The following POLR3B variants were observed in gnomAD, a reference collection of about 807,000 sequenced individuals.
POLR3B encodes the protein DNA-directed RNA polymerase III subunit RPC2.
POLR3B carries 96 observed loss-of-function variants against 147.4 expected under a neutral mutation model. The ratio of observed to expected loss-of-function variants is 0.65; its 90% CI spans 0.55 to 0.77. The LOEUF is 0.77. Ranked by LOEUF, POLR3B falls within the 30% of genes least tolerant of loss-of-function variation. The pLI, the probability that POLR3B is intolerant of heterozygous loss-of-function variation, is 0.00. For missense variants in POLR3B, 1,036 were observed against 1,413.5 expected (o/e 0.73, Z 4.28); for synonymous variants, 461 against 485.9 (o/e 0.95, Z 0.67).
chr12:106,421,932 T>A (rs1010671098), intron 12 of POLR3B, among the ~76,000 whole-genome samples: 1 of 152,128 alleles, frequency 6.6e-6, no homozygotes, highest in Non-Finnish European at 1.5e-5. Flanking sequence ...ACTCCTGACC[T>A]CAAGTGATCC....
chr12:106,492,978 A>G (rs1410946462), intron 23 of POLR3B, among the ~76,000 whole-genome samples: 1 of 152,152 alleles, frequency 6.6e-6, no homozygotes, highest in African/African-American at 2.4e-5. Context: ...GTTCCTGAGC[A>G]TGTTAAACTG....
At chr12:106,478,003 C>G (rs2038206294) in intron 23 of POLR3B, among the ~76,000 whole-genome samples, 1 of 140,126 alleles carries the variant, frequency 7.1e-6, no homozygotes, top group African/African-American at 2.6e-5. Context: ...CTCCCGGGTT[C>G]AAGCAATTCT....
intron 12 of POLR3B, among the ~76,000 whole-genome samples, chr12:106,417,884 G>A (rs1029250707): frequency 1.3e-5 from 2 of 152,186 alleles, no homozygotes; most frequent in African/African-American, 4.8e-5. Flanking sequence ...GAGGGGGAAA[G>A]GAGAGCTGAT....
At chr12:106,429,067 G>A (rs1186275264) in intron 13 of POLR3B, among the ~76,000 whole-genome samples, 2 of 152,162 alleles carry the variant, frequency 1.3e-5, no homozygotes, top group Non-Finnish European at 2.9e-5. Flanking sequence ...GAACATTCCT[G>A]GCTTTTATTG....
intron 18 of POLR3B, among the ~76,000 whole-genome samples, chr12:106,444,257 A>G (rs186763290): frequency 4.6e-5 from 7 of 152,354 alleles, no homozygotes; most frequent in African/African-American, 1.7e-4. Context: ...TGTGTTGAAT[A>G]TAGTAATTTA....
chr12:106,488,085 G>A (rs964598776), intron 23 of POLR3B, among the ~76,000 whole-genome samples: 1 of 152,198 alleles, frequency 6.6e-6, no homozygotes, highest in Admixed American at 6.5e-5. Context: ...TGTAAAGAAG[G>A]TGGCATCACA....
chr12:106,405,502 T>C (rs1433849870), intron 10 of POLR3B, among the ~76,000 whole-genome samples: 2 of 149,246 alleles, frequency 1.3e-5, no homozygotes, highest in African/African-American at 4.9e-5. Context: ...TTACCTGTGG[T>C]TTTCTCTGGG....
At chr12:106,435,103 T>C (rs2037559894) in intron 16 of POLR3B, among the ~76,000 whole-genome samples, 1 of 151,742 alleles carries the variant, frequency 6.6e-6, no homozygotes, top group Non-Finnish European at 1.5e-5. Flanking sequence ...TTTCACCTTT[T>C]TCTTTGATTC....
intron 23 of POLR3B, among the ~76,000 whole-genome samples, chr12:106,492,966 A>G (rs1446603149): frequency 6.6e-6 from 1 of 152,154 alleles, no homozygotes; most frequent in African/African-American, 2.4e-5. Flanking sequence ...AGTGCATTAA[A>G]TGTTCCTGAG....
At chr12:106,446,035 C>CAGCA (rs1008281163) in intron 19 of POLR3B, among the ~76,000 whole-genome samples, 38 of 152,348 alleles carry the variant, frequency 2.5e-4, no homozygotes, top group Admixed American at 2.0e-3. Context: ...AAAATCTAAA[C>CAGCA]AGCAGCTCAT....
chr12:106,495,334 T>G (rs2038463001), intron 23 of POLR3B, among the ~76,000 whole-genome samples: 3 of 152,222 alleles, frequency 2.0e-5, no homozygotes, highest in African/African-American at 7.2e-5. Flanking sequence ...AGAATTCCAT[T>G]TCTAATTCTA....
At chr12:106,477,839 G>A (rs980330615) in intron 23 of POLR3B, among the ~76,000 whole-genome samples, 1 of 150,190 alleles carries the variant, frequency 6.7e-6, no homozygotes, top group South Asian at 2.1e-4. Flanking sequence ...TCGCTCACGG[G>A]CTGGGAGCTG....
At chr12:106,493,167 C>G (rs1319595721) in intron 23 of POLR3B, among the ~76,000 whole-genome samples, 1 of 152,174 alleles carries the variant, frequency 6.6e-6, no homozygotes, top group Non-Finnish European at 1.5e-5. Context: ...GTAGTCCATC[C>G]TCTTTTCAAG....
rs893893675 is a variant in POLR3B at position 106,454,439 on chromosome 12, A to G, written c.2084-63A>G. 5.5e-5 allele frequency: 45 copies of G among 825,038 alleles called. No individual in the cohort carries two copies. In the African/African-American group the frequency reaches 6.4e-4, roughly 12 times the overall value. 51.1% of individuals were successfully genotyped at this position (825,038 alleles called of 1,614,324 possible). Reference sequence around the variant, plus strand: ...TGTTAATGTATTTATCTCTATATTCATTACTACCTTATTATTTCACATAAT... The same window carrying G: ...TGTTAATGTATTTATCTCTATATTCGTTACTACCTTATTATTTCACATAAT... On this transcript the variant is annotated intron_variant, in intron 19 of 27. Coordinates refer to ENST00000228347, the MANE Select transcript of POLR3B (RefSeq NM_018082.6).
In POLR3B at chr12:106,390,771, T is replaced by A. The variant is rs540722312; in HGVS notation, c.724-2260T>A. Among the ~76,000 whole-genome samples, 218 of 151,800 alleles carry A rather than the reference T, an allele frequency of 1.4e-3. 1 individual carries two copies. The highest frequency in any genetic ancestry group is 6.9e-3 in the Middle Eastern group (2 of 288). On this transcript the variant is annotated intron_variant, in intron 9 of 27. Coordinates refer to ENST00000228347, the MANE Select transcript of POLR3B (RefSeq NM_018082.6). ...TAGTGAATTTAATTCCAAAAGTTGG[T>A]ATATTAGTTATCTGTGCTGTGTAAC...
chr12:106,426,690 A>G (rs990572667), intron 12 of POLR3B, among the ~76,000 whole-genome samples: 5 of 152,158 alleles, frequency 3.3e-5, no homozygotes, highest in Admixed American at 2.6e-4. Context: ...TGCAGCAGGT[A>G]TAACTAGGAG....
chr12:106,408,894 C>A (rs1192620699), intron 11 of POLR3B, among the ~76,000 whole-genome samples: 2 of 152,112 alleles, frequency 1.3e-5, no homozygotes, highest in Non-Finnish European at 2.9e-5. Flanking sequence ...AGCATATAGT[C>A]ATTAAAAAGG....
At chr12:106,496,653 T>C in intron 24 of POLR3B, 99 bp from the exon 25 acceptor site, 2 of 1,001,240 alleles carry the variant, frequency 2.0e-6, no homozygotes, top group South Asian at 2.7e-5. Flanking sequence ...TTATTACTGT[T>C]ATTAATAGTG....
In POLR3B at chr12:106,441,948, C is replaced by T. The variant is rs567677718; in HGVS notation, c.1956-2515C>T. Reference sequence around the variant, plus strand: ...ATACAAAATTAGCTGGGTGTGGTGGCGCATGTCTGTAATCCCAGCTACTCC... The same window carrying T: ...ATACAAAATTAGCTGGGTGTGGTGGTGCATGTCTGTAATCCCAGCTACTCC... On this transcript the variant is annotated intron_variant, in intron 18 of 27. Coordinates refer to ENST00000228347, the MANE Select transcript of POLR3B (RefSeq NM_018082.6). Among the ~76,000 whole-genome samples the T allele has an allele frequency of 5.2e-4, 79 of 151,984 alleles. 1 individual carries two copies. Among genetic ancestry groups the T allele is most frequent in the Admixed American group, 3.6e-3 (55 of 15,256 alleles).
Sources: gnomAD v4.1 joint callset for allele counts (sites outside exome capture counted in the v4.1 genomes callset) on GRCh38, gnomAD v4.1.1 for gene constraint, MANE v1.5 for transcripts, NCBI Gene and HGNC (gene_info 2026-07-23, HGNC 2026-07-21) for gene names.